Variants in TMEM245 observed in about 807,000 individuals in gnomAD.
TMEM245 encodes the protein protein CG-2.
Under a neutral mutation model 101.2 loss-of-function variants are expected in TMEM245, and 69 were observed. The ratio of observed to expected loss-of-function variants is 0.68; its 90% CI spans 0.56 to 0.83. TMEM245 has a LOEUF of 0.83. TMEM245 is among the 40% of genes least tolerant of loss of function. The probability of loss-of-function intolerance (pLI) is 0.00; values close to 1 mark genes in which losing one functional copy is unlikely to be tolerated. For synonymous variants in TMEM245, 537 were observed against 449.8 expected, an observed-to-expected ratio of 1.19 and a Z score of -2.45; for missense variants, 1,075 against 1,092.8, an observed-to-expected ratio of 0.98 and a Z score of 0.23.
chr9:109,021,249 G>C (rs1827612559), intron 17 of TMEM245, among the ~76,000 whole-genome samples: 1 of 152,178 alleles, frequency 6.6e-6, no homozygotes, highest in South Asian at 2.1e-4. Flanking sequence ...TGTGCTGGCA[G>C]CCAAATGGCC....
intron 9 of TMEM245, among the ~76,000 whole-genome samples, chr9:109,070,563 GC>G (rs1175309905): frequency 2.6e-5 from 4 of 152,128 alleles, no homozygotes; most frequent in African/African-American, 9.7e-5. Context: ...TACTCTAGAA[GC>G]TTTTAATTTG....
At chr9:109,106,721 G>T in intron 2 of TMEM245, 112 bp from the exon 3 acceptor site, 2 of 620,064 alleles carry the variant, frequency 3.2e-6, no homozygotes, top group Non-Finnish European at 5.1e-6. Flanking sequence ...ATTAGTTACA[G>T]AATTACTTAT....
At chr9:109,090,036 G>A (rs954511262) in intron 5 of TMEM245, among the ~76,000 whole-genome samples, 13 of 151,066 alleles carry the variant, frequency 8.6e-5, no homozygotes, top group South Asian at 2.1e-4. Flanking sequence ...GGAGGTGAGC[G>A]GATGACTTAA....
intron 17 of TMEM245, among the ~76,000 whole-genome samples, chr9:109,027,880 C>T (rs1247695091): frequency 6.6e-6 from 1 of 151,884 alleles, no homozygotes; most frequent in Non-Finnish European, 1.5e-5. Context: ...CAGTGTTTTA[C>T]CATGTTGGCC....
At chr9:109,076,965 A>G (rs909854425) in intron 8 of TMEM245, among the ~76,000 whole-genome samples, 2 of 152,120 alleles carry the variant, frequency 1.3e-5, no homozygotes, top group Admixed American at 6.5e-5. Context: ...GGTAGCTGAG[A>G]TAACAGGTGT....
chr9:109,115,823 C>A (rs147079406), intron 1 of TMEM245, among the ~76,000 whole-genome samples: 1 of 152,040 alleles, frequency 6.6e-6, no homozygotes, highest in African/African-American at 2.4e-5. Context: ...AGCAACCGCA[C>A]CTGGCCTACA....
intron 8 of TMEM245, among the ~76,000 whole-genome samples, chr9:109,073,844 C>CT (rs1286950802): frequency 2.3e-3 from 274 of 121,208 alleles, no homozygotes; most frequent in Non-Finnish European, 3.0e-3. Context: ...AAGGAACTAA[C>CT]TTTTTTTTTT....
intron 8 of TMEM245, among the ~76,000 whole-genome samples, chr9:109,074,193 C>G (rs1829425359): frequency 6.6e-6 from 1 of 152,038 alleles, no homozygotes; most frequent in Non-Finnish European, 1.5e-5. Flanking sequence ...TAAAAAAAGC[C>G]AACAGAAGCT....
intron 7 of TMEM245, among the ~76,000 whole-genome samples, chr9:109,083,514 T>G (rs1368763947): frequency 6.6e-6 from 1 of 152,124 alleles, no homozygotes; most frequent in Non-Finnish European, 1.5e-5. Flanking sequence ...TAAAATGACA[T>G]TCCGAATGTT....
intron 8 of TMEM245, among the ~76,000 whole-genome samples, chr9:109,079,177 T>C (rs1829599835): frequency 6.6e-6 from 1 of 152,136 alleles, no homozygotes; most frequent in South Asian, 2.1e-4. Context: ...GGTCATTTTC[T>C]AATGCTTTTA....
chr9:109,100,328 TA>T (rs1478535860), intron 3 of TMEM245, among the ~76,000 whole-genome samples: 1 of 152,040 alleles, frequency 6.6e-6, no homozygotes, highest in East Asian at 1.9e-4. Flanking sequence ...TTATTATCAT[TA>T]TTATTACTTT....
At chr9:109,111,128 A>G (rs1296101315) in intron 1 of TMEM245, among the ~76,000 whole-genome samples, 2 of 152,210 alleles carry the variant, frequency 1.3e-5, no homozygotes, top group African/African-American at 4.8e-5. Context: ...TTTTGTAGCT[A>G]TCTTCAAATA....
intron 3 of TMEM245, among the ~76,000 whole-genome samples, chr9:109,104,603 G>A (rs1368462780): frequency 1.3e-5 from 2 of 152,110 alleles, no homozygotes; most frequent in Non-Finnish European, 2.9e-5. Flanking sequence ...ATTTTGAAAA[G>A]GAAGAACAAA....
chr9:109,023,060 T>G (rs1439631939), intron 17 of TMEM245, among the ~76,000 whole-genome samples: 1 of 152,122 alleles, frequency 6.6e-6, no homozygotes, highest in Non-Finnish European at 1.5e-5. Flanking sequence ...TACTATTCAA[T>G]TTTGTCTCCA....
At chr9:109,022,712 T>C (rs73527225) in intron 17 of TMEM245, among the ~76,000 whole-genome samples, 174 of 152,288 alleles carry the variant, frequency 1.1e-3, no homozygotes, top group African/African-American at 4.1e-3. Flanking sequence ...TTTGTGTTTT[T>C]ACATTTGTCT....
chr9:109,078,939 T>C (rs896626062), intron 8 of TMEM245, among the ~76,000 whole-genome samples: 1 of 152,180 alleles, frequency 6.6e-6, no homozygotes, highest in Non-Finnish European at 1.5e-5. Context: ...TCATCTCCAA[T>C]TGGACTTGAC....
chr9:109,106,749 A>T (rs942415837), intron 2 of TMEM245, 140 bp from the exon 3 acceptor site: 8 of 568,890 alleles, frequency 1.4e-5, no homozygotes, highest in African/African-American at 3.7e-5. Flanking sequence ...AAAAAAAAAA[A>T]TTTAAGTCCA....
chr9:109,117,141 C>T (rs112591003), intron 1 of TMEM245, among the ~76,000 whole-genome samples: 3 of 151,966 alleles, frequency 2.0e-5, no homozygotes, highest in African/African-American at 7.2e-5. Flanking sequence ...CGGAATTTCA[C>T]GCTTGTCACC....
At position 109,090,930 on chromosome 9, in the gene TMEM245, G is replaced by C. The variant is rs370760612; in HGVS notation, c.1142C>G (p.Pro381Arg). ...NLWIVQLLPV[P>R]IAVWILKKLV... Reference sequence around the variant, plus strand: ...CTTAACCAGATAACGACCTGCAATCGGCACTGGCAGCAACTGCACAATCCA... The same window carrying C: ...CTTAACCAGATAACGACCTGCAATCCGCACTGGCAGCAACTGCACAATCCA... The change falls in exon 5 of 18, where the codon CCG becomes CGG. Residue 381 changes from proline to arginine, a missense_variant. By Grantham distance (103) the Pro-to-Arg change is moderately radical (BLOSUM62 -2). Transcript: ENST00000374586. The C allele has an allele frequency of 2.5e-6, 4 of 1,613,742 alleles. No individual in the cohort carries two copies. Among genetic ancestry groups the C allele is most frequent in the African/African-American group, 1.3e-5 (1 of 74,884 alleles).
Sources: allele counts gnomAD v4.1 joint callset (sites outside exome capture counted in the v4.1 genomes callset), GRCh38; gene constraint gnomAD v4.1.1; transcripts MANE v1.5; gene names NCBI Gene and HGNC (gene_info 2026-07-23, HGNC 2026-07-21).